The following SAAL1 variants were observed in gnomAD, a reference collection of about 807,000 sequenced individuals.
The protein encoded by SAAL1 is protein SAAL1.
In SAAL1, 42 loss-of-function variants were observed where a neutral mutation model predicts 59.8. That is an observed-to-expected ratio of 0.70 (90% CI 0.55 to 0.91). The LOEUF (loss-of-function observed/expected upper bound fraction) is 0.91. Ranked by LOEUF, SAAL1 falls within the 40% of genes least tolerant of loss-of-function variation. SAAL1 has a pLI of 0.00. For synonymous variants in SAAL1, 191 were observed against 194.3 expected (o/e 0.98, Z 0.14); for missense variants, 542 against 561.1 (o/e 0.97, Z 0.34).
chr11:18,092,918 C>G (rs1280021269), intron 3 of SAAL1, among the ~76,000 whole-genome samples: 1 of 152,110 alleles, frequency 6.6e-6, no homozygotes, highest in Non-Finnish European at 1.5e-5. Flanking sequence ...AGTGTAGTCC[C>G]TCTTTATCCA....
chr11:18,096,150 T>A (rs1040618856), intron 3 of SAAL1, among the ~76,000 whole-genome samples: 3 of 152,168 alleles, frequency 2.0e-5, no homozygotes, highest in African/African-American at 7.2e-5. Flanking sequence ...TTCTGATACA[T>A]ACTAGCAGCA....
intron 4 of SAAL1, 106 bp from the exon 5 acceptor site, chr11:18,090,599 T>C (rs1590286989): frequency 1.6e-6 from 2 of 1,239,998 alleles, no homozygotes; most frequent in East Asian, 5.1e-5. Context: ...ACAGCATATA[T>C]TCAGAAAAGC....
intron 3 of SAAL1, 65 bp downstream of exon 3, chr11:18,096,706 G>T: frequency 2.4e-6 from 2 of 837,430 alleles, no homozygotes; most frequent in Non-Finnish European, 4.1e-6. Flanking sequence ...AAAAATAAAA[G>T]ACTATCCAGC....
Position 18,083,419 on chromosome 11 carries a change from T to C in SAAL1, c.1239+116A>G, listed in dbSNP as rs1848430738. On this transcript the variant is annotated intron_variant, in intron 10 of 11. Coordinates refer to ENST00000524803, the MANE Select transcript of SAAL1 (RefSeq NM_138421.3). ...ATAAACTCATGGTGATATTAAGATT[T>C]TACTTTATTTTCCCAAATTATATAT... The C allele has an allele frequency of 1.2e-5, 7 of 598,180 alleles. No individual in the cohort carries two copies. In the South Asian group the frequency reaches 2.1e-4, roughly 18 times the overall value. 37.1% of individuals were successfully genotyped at this position (598,180 alleles called of 1,614,324 possible). A position where few individuals can be genotyped will look rare whatever the true frequency, so the allele number is the denominator to read the frequency against.
intron 2 of SAAL1, among the ~76,000 whole-genome samples, chr11:18,097,669 T>C (rs1848591472): frequency 6.6e-6 from 1 of 151,676 alleles, no homozygotes; most frequent in African/African-American, 2.4e-5. Flanking sequence ...TGAAAACCCA[T>C]ATCCACAAAA....
intron 2 of SAAL1, among the ~76,000 whole-genome samples, chr11:18,098,363 CAT>C (rs1170070716): frequency 1.3e-5 from 2 of 152,200 alleles, no homozygotes; most frequent in Non-Finnish European, 2.9e-5. Flanking sequence ...ACACAGGTGA[CAT>C]GTGAGTGGAC....
intron 3 of SAAL1, 118 bp from the exon 4 acceptor site, chr11:18,092,442 A>G (rs1340615162): frequency 2.9e-6 from 2 of 689,682 alleles, no homozygotes; most frequent in South Asian, 3.5e-5. Context: ...GAGGGGAGGC[A>G]GGATAAAGAA....
intron 3 of SAAL1, among the ~76,000 whole-genome samples, chr11:18,096,400 G>A (rs996432880): frequency 2.0e-5 from 3 of 151,912 alleles, no homozygotes; most frequent in African/African-American, 7.3e-5. Flanking sequence ...GGCAACATAA[G>A]GAGACCTTTG....
chr11:18,096,619 C>T (rs1357443171), intron 3 of SAAL1, 152 bp downstream of exon 3: 4 of 599,418 alleles, frequency 6.7e-6, no homozygotes, highest in South Asian at 2.0e-5. Context: ...TAGCAAATTA[C>T]CTAGGACCTG....
chr11:18,088,785 C>A (rs1033973950), intron 7 of SAAL1, among the ~76,000 whole-genome samples: 1 of 152,082 alleles, frequency 6.6e-6, no homozygotes, highest in African/African-American at 2.4e-5. Flanking sequence ...ATAAAGGACA[C>A]AAAATTAATA....
rs763409706 is a variant in SAAL1 at position 18,086,912 on chromosome 11, G to A, written c.996C>T (p.Ala332=). The A allele has an allele frequency of 1.9e-5, 30 of 1,613,840 alleles. No individual in the cohort carries two copies. The South Asian group carries it at 3.3e-4, about 18-fold the overall frequency. Residue 332 remains alanine (A), a synonymous_variant, in exon 9 of 12, where the codon GCC becomes GCT. Transcript: ENST00000524803. ...CTTGCTCAGTCTGTGAGGCATAGAT[G>A]GCAGACAACACTGAAAAAACAGAGG... The part of the protein sequence containing the change: ...VLASVFSVLS[A]IYASQTEQEY...
chr11:18,080,682 T>C (rs1173262608), intron 11 of SAAL1, among the ~76,000 whole-genome samples, 191 bp from the exon 12 acceptor site: 2 of 152,190 alleles, frequency 1.3e-5, no homozygotes, highest in East Asian at 3.9e-4. Flanking sequence ...TGCTTTCCCA[T>C]TCCGTTTTAC....
intron 9 of SAAL1, among the ~76,000 whole-genome samples, chr11:18,086,288 G>T (rs150839657): frequency 6.6e-6 from 1 of 152,220 alleles, no homozygotes; most frequent in African/African-American, 2.4e-5. Flanking sequence ...TGTAGTCCCA[G>T]CTACTCAGGA....
At chr11:18,083,825 G>T (rs1848435342) in intron 9 of SAAL1, 94 bp from the exon 10 acceptor site, 13 of 715,762 alleles carry the variant, frequency 1.8e-5, no homozygotes, top group Non-Finnish European at 2.2e-6. Context: ...ATTATTTTGG[G>T]TATTACAGAT....
At position 18,080,365 on chromosome 11, in the gene SAAL1, T is replaced by C; in HGVS notation, c.*34A>G. ...AACTGTCAGTGAGAAAAATAAAGTT[T>C]ATTTCTTGTACAGAAGTAATTCCAA... On this transcript the variant is annotated 3_prime_UTR_variant, in exon 12 of 12. Transcript: ENST00000524803. 7.5e-7 allele frequency: 1 copy of C among 1,327,348 alleles called. No individual in the cohort carries two copies. The highest frequency in any genetic ancestry group is 1.1e-6 in the Non-Finnish European group (1 of 948,532). 82.2% of individuals were successfully genotyped at this position (1,327,348 alleles called of 1,614,324 possible).
chr11:18,081,307 A>G (rs1848407265), intron 11 of SAAL1, 104 bp downstream of exon 11: 1 of 771,516 alleles, frequency 1.3e-6, no homozygotes, highest in African/African-American at 1.7e-5. Flanking sequence ...TATAAATTGT[A>G]TATACTATCA....
chr11:18,101,387 GT>G (rs1848631542), intron 2 of SAAL1, among the ~76,000 whole-genome samples: 2 of 152,074 alleles, frequency 1.3e-5, no homozygotes, highest in African/African-American at 4.8e-5. Context: ...CACGGGGGTG[GT>G]TTCCCCCATG....
At chr11:18,080,583 C>T in intron 11 of SAAL1, 92 bp from the exon 12 acceptor site, 1 of 731,460 alleles carries the variant, frequency 1.4e-6, no homozygotes, top group Non-Finnish European at 2.2e-6. Context: ...TCTAAATGGT[C>T]CAATGGAAAA....
chr11:18,082,777 G>A (rs190783498), intron 10 of SAAL1, among the ~76,000 whole-genome samples: 7 of 152,062 alleles, frequency 4.6e-5, no homozygotes, highest in Middle Eastern at 3.4e-3. Flanking sequence ...GATCACAGGC[G>A]TGTGCCACCA....
Sources: gnomAD v4.1 joint callset for allele counts (sites outside exome capture counted in the v4.1 genomes callset) on GRCh38, gnomAD v4.1.1 for gene constraint, MANE v1.5 for transcripts, NCBI Gene and HGNC (gene_info 2026-07-23, HGNC 2026-07-21) for gene names.